UNC79: variants seen among roughly 807,000 people sequenced by gnomAD.
UNC79 encodes unc-79 subunit of NALCN channel complex.
A neutral mutation model predicts 283.1 loss-of-function variants in UNC79; 37 were observed. The observed-to-expected ratio is 0.13, with a 90% confidence interval of 0.10 to 0.17. UNC79 has a LOEUF of 0.17. Ranked by LOEUF, UNC79 falls within the 10% of genes least tolerant of loss-of-function variation. The probability of loss-of-function intolerance (pLI) is 1.00; values close to 1 mark genes in which losing one functional copy is unlikely to be tolerated. For missense variants in UNC79, 2,272 were observed against 3,211.1 expected (o/e 0.71, Z 7.07); for synonymous variants, 1,107 against 1,200.2 (o/e 0.92, Z 1.61).
Position 93,677,650 on chromosome 14 carries a change from T to A in UNC79, c.6741+4195T>A, listed in dbSNP as rs539670174. 3.9e-5 allele frequency among the ~76,000 whole-genome samples: 6 copies of A among 152,146 alleles called. No individual in the cohort carries two copies. The East Asian group carries it at 5.8e-4, about 15-fold the overall frequency. On this transcript the variant is annotated intron_variant, in intron 41 of 48. Transcript: ENST00000555664. ...GGAGAAACGTTGTTTCTCTTGTGAG[T>A]AGTTCCTCTTTTTTTTTGAAATGGA... is the stretch of plus-strand genomic sequence containing the variant.
At chr14:93,612,599 G>T (rs2066390091) in intron 26 of UNC79, among the ~76,000 whole-genome samples, 198 bp from the exon 28 acceptor site, 1 of 152,158 alleles carries the variant, frequency 6.6e-6, no homozygotes, top group African/African-American at 2.4e-5. Flanking sequence ...GGTTGTTGAT[G>T]AATACAATAA....
At chr14:93,685,586 C>T (rs893158900) in intron 42 of UNC79, among the ~76,000 whole-genome samples, 2 of 152,092 alleles carry the variant, frequency 1.3e-5, no homozygotes, top group African/African-American at 2.4e-5. Flanking sequence ...AGTTCAGTAC[C>T]GCGCAGATTT....
chr14:93,424,269 A>G (rs186875967), intron 1 of UNC79, among the ~76,000 whole-genome samples: 6 of 152,286 alleles, frequency 3.9e-5, no homozygotes, highest in African/African-American at 1.4e-4. Context: ...CTTGGTGGAA[A>G]TGTAAATTAG....
chr14:93,424,932 G>A lies in UNC79; in HGVS notation c.-350-42739G>A, dbSNP rs888771880. 5.3e-5 allele frequency among the ~76,000 whole-genome samples: 8 copies of A among 152,064 alleles called. No individual in the cohort carries two copies. In the East Asian group the frequency reaches 5.8e-4, roughly 11 times the overall value. On this transcript the variant is annotated intron_variant, in intron 1 of 49. Transcript: ENST00000256339. ...GAATACACCATTTACCCTGATGTGC[G>A]TATTACACATTGCATGCCTATATCA... is the stretch of plus-strand genomic sequence containing the variant.
At chr14:93,614,747 A>G (rs1029659342) in intron 27 of UNC79, among the ~76,000 whole-genome samples, 5 of 152,206 alleles carry the variant, frequency 3.3e-5, no homozygotes, top group Non-Finnish European at 7.4e-5. Context: ...TTCCATGTGC[A>G]TCTGCTACTT....
At chr14:93,509,290 C>T (rs2059700524) in intron 7 of UNC79, among the ~76,000 whole-genome samples, 1 of 152,100 alleles carries the variant, frequency 6.6e-6, no homozygotes, top group Non-Finnish European at 1.5e-5. Context: ...AAATCCAAAT[C>T]ATATAATTCC....
chr14:93,344,520 T>TA (rs1288307264), intron 1 of UNC79, among the ~76,000 whole-genome samples: 1 of 152,108 alleles, frequency 6.6e-6, no homozygotes, highest in African/African-American at 2.4e-5. Context: ...TTGGCTACAT[T>TA]ATTAACTCAC....
chr14:93,492,515 G>A (rs986695426), intron 5 of UNC79, among the ~76,000 whole-genome samples: 8 of 152,076 alleles, frequency 5.3e-5, no homozygotes, highest in African/African-American at 1.4e-4. Context: ...CACCATGCCC[G>A]GCTAATTTTT....
chr14:93,472,534 TTTATTA>T (rs1405707114), intron 2 of UNC79, among the ~76,000 whole-genome samples: 1 of 152,098 alleles, frequency 6.6e-6, no homozygotes, highest in Admixed American at 6.6e-5. Flanking sequence ...TGAAATTATT[TTTATTA>T]TTATCAATTG....
chr14:93,501,418 A>C (rs2059281968), intron 7 of UNC79, among the ~76,000 whole-genome samples: 2 of 151,400 alleles, frequency 1.3e-5, no homozygotes, highest in African/African-American at 2.4e-5. Flanking sequence ...TGGCCAGCGC[A>C]GTGGCTCACG....
intron 1 of UNC79, among the ~76,000 whole-genome samples, chr14:93,405,880 T>C (rs1566916050): frequency 6.6e-6 from 1 of 152,214 alleles, no homozygotes; most frequent in Non-Finnish European, 1.5e-5. Context: ...ATCTCTCCAC[T>C]ACTTTCCCCA....
At chr14:93,571,263 C>A (rs1486992797) in intron 14 of UNC79, among the ~76,000 whole-genome samples, 3 of 152,180 alleles carry the variant, frequency 2.0e-5, no homozygotes, top group African/African-American at 7.2e-5. Flanking sequence ...GGATTATAAA[C>A]AACCTAAGTT....
chr14:93,476,837 A>C (rs1421013416), intron 3 of UNC79, among the ~76,000 whole-genome samples: 2 of 152,204 alleles, frequency 1.3e-5, no homozygotes, highest in African/African-American at 2.4e-5. Context: ...GCAGGTAATA[A>C]TAATAGTAAC....
chr14:93,645,919 TC>T (rs1337720327), intron 34 of UNC79, among the ~76,000 whole-genome samples: 2 of 152,142 alleles, frequency 1.3e-5, no homozygotes, highest in Admixed American at 1.3e-4. Context: ...ACACCTGTAG[TC>T]CTAATCAAGT....
chr14:93,393,530 T>A (rs144653201), intron 1 of UNC79, among the ~76,000 whole-genome samples: 29 of 152,172 alleles, frequency 1.9e-4, no homozygotes, highest in Non-Finnish European at 3.1e-4. Flanking sequence ...AATTTAGAAA[T>A]AAAGACATTA....
upstream of UNC79, among the ~76,000 whole-genome samples, chr14:93,428,484 T>A (rs1165543280): frequency 1.3e-5 from 2 of 152,126 alleles, no homozygotes; most frequent in Non-Finnish European, 2.9e-5. Context: ...AGGGAGTTCA[T>A]TGAAGTAGTA....
chr14:93,552,185 A>T (rs1051606282), intron 14 of UNC79, among the ~76,000 whole-genome samples: 1 of 152,270 alleles, frequency 6.6e-6, no homozygotes, highest in Non-Finnish European at 1.5e-5. Flanking sequence ...TTTGGAATTT[A>T]AGTGAATAGG....
chr14:93,401,046 A>C (rs1053970206), intron 1 of UNC79, among the ~76,000 whole-genome samples: 1 of 152,172 alleles, frequency 6.6e-6, no homozygotes, highest in East Asian at 1.9e-4. Context: ...AAAATAGTGC[A>C]TGGTTTATGT....
intron 40 of UNC79, 103 bp from the exon 44 acceptor site, chr14:93,673,248 T>G (rs904411481): frequency 2.0e-6 from 2 of 990,044 alleles, no homozygotes; most frequent in Admixed American, 2.7e-5. Context: ...TGAATACTGT[T>G]TTTTATTTCT....
Sources: gnomAD v4.1 joint callset for allele counts (sites outside exome capture counted in the v4.1 genomes callset) on GRCh38, gnomAD v4.1.1 for gene constraint, MANE v1.5 for transcripts, NCBI Gene and HGNC (gene_info 2026-07-23, HGNC 2026-07-21) for gene names.